Variants in ERICH6B observed in about 807,000 individuals in gnomAD.
The protein encoded by ERICH6B is glutamate rich 6B, also known as glutamate-rich protein 6B.
Under a neutral mutation model 80.0 loss-of-function variants are expected in ERICH6B, and 69 were observed. The ratio of observed to expected loss-of-function variants is 0.86; its 90% CI spans 0.71 to 1.05. The LOEUF (loss-of-function observed/expected upper bound fraction) is 1.05. Among genes scored for constraint, ERICH6B ranks in the 50% least tolerant of loss-of-function variants. The pLI, the probability that ERICH6B is intolerant of heterozygous loss-of-function variation, is 0.00. For synonymous variants in ERICH6B, 283 were observed against 291.9 expected (o/e 0.97, Z 0.31); for missense variants, 754 against 796.1 (o/e 0.95, Z 0.64).
At chr13:45,572,696 GA>G (rs1256581015) in intron 8 of ERICH6B, among the ~76,000 whole-genome samples, 1 of 152,070 alleles carries the variant, frequency 6.6e-6, no homozygotes, top group African/African-American at 2.4e-5. Context: ...ATACAAACTG[GA>G]AACAAATTTA....
rs1875014000 is a variant in ERICH6B, at chr13:45,568,425, T to C, written c.1077A>G (p.Val359=). The C allele has an allele frequency of 6.5e-7, 1 of 1,547,840 alleles. No individual in the cohort carries two copies. Among genetic ancestry groups the C allele is most frequent in the Non-Finnish European group, 8.7e-7 (1 of 1,145,588 alleles). Residue 359 remains valine (V), a synonymous_variant, in exon 9 of 15, where the codon GTA becomes GTG. Coordinates refer to ENST00000298738, the MANE Select transcript of ERICH6B (RefSeq NM_182542.3). The stretch of plus-strand genomic sequence containing the variant: ...CCATTTCTTTGATTATTGTTTTAAA[T>C]ACTGTCTGATAGGAGCTGTTCAAAA... The part of the protein sequence containing the change: ...ENFLNSSYQT[V]FKTIIKEMAA...
chr13:45,614,862 T>C (rs7990478), intron 1 of ERICH6B, among the ~76,000 whole-genome samples: 45,734 of 152,220 alleles, frequency 0.3, 8,509 homozygotes, highest in African/African-American at 0.53. Flanking sequence ...GACCTACTTC[T>C]GTGAATTCCA....
chr13:45,596,411 T>A lies in ERICH6B; in HGVS notation c.595A>T (p.Asn199Tyr). 1.3e-6 allele frequency: 2 copies of A among 1,551,744 alleles called. No homozygotes were observed. Among genetic ancestry groups the A allele is most frequent in the South Asian group, 2.4e-5 (2 of 83,996 alleles). Residue 199 changes from asparagine to tyrosine, a missense_variant, in exon 3 of 15, where the codon AAT becomes TAT. Coordinates refer to ENST00000298738, the MANE Select transcript of ERICH6B (RefSeq NM_182542.3). ...TACAGATTTTCTTTTCCATCCAGAT[T>A]CTCTTCCTTCTCCAGAGCTTCTTCC... The part of the protein sequence containing the change: ...EEEEALEKEE[N>Y]LDGKENLYKK...
At chr13:45,572,492 T>C (rs1306459224) in intron 8 of ERICH6B, among the ~76,000 whole-genome samples, 3 of 152,152 alleles carry the variant, frequency 2.0e-5, no homozygotes, top group Admixed American at 6.5e-5. Flanking sequence ...GTCCACATAG[T>C]TTTAAAGAGA....
In ERICH6B at chr13:45,580,052, C is replaced by A. The variant is rs1875591842; in HGVS notation, c.920-78G>T. The A allele has an allele frequency of 5.0e-6, 6 of 1,206,234 alleles. No individual in the cohort carries two copies. The South Asian group carries it at 8.2e-5, about 16-fold the overall frequency. 74.7% of individuals were successfully genotyped at this position (1,206,234 alleles called of 1,614,324 possible). On this transcript the variant is annotated intron_variant, in intron 6 of 14. Coordinates refer to ENST00000298738, the MANE Select transcript of ERICH6B (RefSeq NM_182542.3). ...CAGACCTTTTAATCCCTTATGGAAT[C>A]AATTTAAAAATCATCTCCTAGATAT...
intron 4 of ERICH6B, among the ~76,000 whole-genome samples, chr13:45,589,451 T>G (rs1052828636): frequency 3.3e-5 from 5 of 152,224 alleles, no homozygotes; most frequent in African/African-American, 1.2e-4. Context: ...GACACAGATC[T>G]GCGGCACTTA....
chr13:45,606,530 TATATATATATATA>T (rs1949864388), intron 2 of ERICH6B, among the ~76,000 whole-genome samples: 2 of 34,480 alleles, frequency 5.8e-5, no homozygotes, highest in African/African-American at 2.1e-4. Flanking sequence ...TATATATATA[TATATATATATATA>T]TATATTTTTT....
intron 2 of ERICH6B, among the ~76,000 whole-genome samples, chr13:45,606,537 ATATATATATATTTTTTTT>A (rs1361308456): frequency 3.7e-3 from 48 of 12,916 alleles, no homozygotes; most frequent in Non-Finnish European, 7.5e-3. Flanking sequence ...ATATATATAT[ATATATATATATTTTTTTT>A]TTTTTTTTTT....
chr13:45,545,103 A>T, intron 13 of ERICH6B, 118 bp from the exon 14 acceptor site: 1 of 852,090 alleles, frequency 1.2e-6, no homozygotes, highest in Non-Finnish European at 1.8e-6. Context: ...CAGGGACTTG[A>T]TGGGTAGGAG....
intron 2 of ERICH6B, among the ~76,000 whole-genome samples, chr13:45,599,948 G>C (rs1949816150): frequency 6.6e-6 from 1 of 152,162 alleles, no homozygotes; most frequent in African/African-American, 2.4e-5. Context: ...TTCATTTTAT[G>C]GTTCTGTGGT....
At chr13:45,595,496 T>G (rs1876324362) in intron 3 of ERICH6B, among the ~76,000 whole-genome samples, 1 of 151,974 alleles carries the variant, frequency 6.6e-6, no homozygotes, top group African/African-American at 2.4e-5. Context: ...GAGGTGTGTG[T>G]GTATGTGTAT....
At chr13:45,542,116 T>C (rs555495184) in intron 14 of ERICH6B, among the ~76,000 whole-genome samples, 8 of 152,196 alleles carry the variant, frequency 5.3e-5, no homozygotes, top group Admixed American at 1.3e-4. Context: ...CTGGGTTTTG[T>C]TGAGATGAAG....
intron 2 of ERICH6B, among the ~76,000 whole-genome samples, chr13:45,597,408 G>A (rs887523165): frequency 1.3e-5 from 2 of 152,214 alleles, no homozygotes; most frequent in African/African-American, 4.8e-5. Flanking sequence ...ATAAGACAGA[G>A]ACTGTCTTCC....
In ERICH6B at chr13:45,555,940, C is replaced by T. The variant is rs1039368403; in HGVS notation, c.1407+5429G>A. Among the ~76,000 whole-genome samples, 8 of 148,894 alleles carry T rather than the reference C, an allele frequency of 5.4e-5. 1 individual carries two copies. Among genetic ancestry groups the T allele is most frequent in the African/African-American group, 2.0e-4 (8 of 40,074 alleles). ...CCTATGGGTGTCCGTGAGGCAAAGG[C>T]CTCAGGGCCTTTGCACTTGTTGGCT... is the stretch of plus-strand genomic sequence containing the variant. On this transcript the variant is annotated intron_variant, in intron 11 of 14. Transcript: ENST00000298738.
At chr13:45,546,698 C>G (rs1009306634) in intron 13 of ERICH6B, among the ~76,000 whole-genome samples, 2 of 152,152 alleles carry the variant, frequency 1.3e-5, no homozygotes, top group South Asian at 4.1e-4. Flanking sequence ...CTTGTACAGA[C>G]AAACCGGGTT....
At chr13:45,597,787 C>T (rs1411144361) in intron 2 of ERICH6B, among the ~76,000 whole-genome samples, 2 of 152,144 alleles carry the variant, frequency 1.3e-5, no homozygotes, top group Non-Finnish European at 2.9e-5. Flanking sequence ...GTTTGTTCTT[C>T]CAACAGTATA....
At position 45,543,639 on chromosome 13, in the gene ERICH6B, G is replaced by A. The variant is rs569029434; in HGVS notation, c.1872+1121C>T. Reference sequence around the variant, plus strand: ...TCCCCCATTGGAGCCTCTGGAGGATGGTGGCCCCATGGACACCTTGATCTC... The same window carrying A: ...TCCCCCATTGGAGCCTCTGGAGGATAGTGGCCCCATGGACACCTTGATCTC... On this transcript the variant is annotated intron_variant, in intron 14 of 14. Transcript: ENST00000298738. Among the ~76,000 whole-genome samples the A allele has an allele frequency of 3.9e-5, 6 of 152,308 alleles. No individual in the cohort carries two copies. In the East Asian group the frequency reaches 9.7e-4, roughly 25 times the overall value.
intron 7 of ERICH6B, among the ~76,000 whole-genome samples, chr13:45,579,465 C>G (rs2985941): frequency 0.33 from 49,837 of 152,044 alleles, 9,359 homozygotes; most frequent in East Asian, 0.6. Context: ...TGTAAGGATT[C>G]TCCCCTGTTC....
At chr13:45,556,507 G>C (rs908510896) in intron 11 of ERICH6B, among the ~76,000 whole-genome samples, 1 of 152,122 alleles carries the variant, frequency 6.6e-6, no homozygotes, top group East Asian at 1.9e-4. Flanking sequence ...CACCGAAGCA[G>C]TAATCACTGA....
Sources: gnomAD v4.1 joint callset for allele counts (sites outside exome capture counted in the v4.1 genomes callset) on GRCh38, gnomAD v4.1.1 for gene constraint, MANE v1.5 for transcripts, NCBI Gene and HGNC (gene_info 2026-07-23, HGNC 2026-07-21) for gene names.